VEGFD: variants seen among roughly 807,000 people sequenced by gnomAD.
VEGFD encodes the protein c-fos induced growth factor (vascular endothelial growth factor D).
VEGFD carries 26 observed loss-of-function variants against 28.0 expected under a neutral mutation model. The observed-to-expected ratio is 0.93, with a 90% CI of 0.68 to 1.29. VEGFD has a LOEUF of 1.29. VEGFD is among the 50% of genes most tolerant of loss of function. VEGFD has a pLI of 0.00. For missense variants in VEGFD, 294 were observed against 273.4 expected, an observed-to-expected ratio of 1.08 and a Z score of -0.53; for synonymous variants, 93 against 95.5, an observed-to-expected ratio of 0.97 and a Z score of 0.15.
chrX:15,350,677 G>A, intron 5 of VEGFD, among the ~76,000 whole-genome samples: 1 of 112,248 alleles, frequency 8.9e-6, no homozygotes, highest in South Asian at 3.7e-4. Context: ...GAGCCTTTAA[G>A]CTCTAAGTAT....
At chrX:15,358,712 T>C (rs751777307) in intron 2 of VEGFD, among the ~76,000 whole-genome samples, 5 of 111,265 alleles carry the variant, frequency 4.5e-5, no homozygotes, top group Non-Finnish European at 7.5e-5. Context: ...AAACTAATCC[T>C]TACTCAAATC....
chrX:15,361,870 TG>T (rs1315716154), intron 2 of VEGFD, among the ~76,000 whole-genome samples: 4 of 111,554 alleles, frequency 3.6e-5, no homozygotes, highest in Non-Finnish European at 5.6e-5. Flanking sequence ...TGTTTTGTTT[TG>T]TTTTTTTGTT....
chrX:15,373,270 A>G (rs1923355749), intron 1 of VEGFD, among the ~76,000 whole-genome samples: 1 of 111,788 alleles, frequency 8.9e-6, no homozygotes, highest in Admixed American at 9.5e-5. Context: ...ATCAGCAAAG[A>G]AGGTTTAAGG....
chrX:15,347,261 G>C lies in VEGFD; in HGVS notation c.841C>G (p.Leu281Val), dbSNP rs1323244685. 5.8e-6 allele frequency: 7 copies of C among 1,211,459 alleles called. No homozygotes were observed. Among genetic ancestry groups the C allele is most frequent in the Non-Finnish European group, 7.8e-6 (7 of 895,239 alleles). ...CVCKTPCPKD[L>V]IQHPKNCSCF... ...CTGCAGTTTTTGGGGTGCTGGATTA[G>C]ATCTTTGGGACATGGTGTTTTACAG... Residue 281 changes from leucine to valine, a missense_variant, in exon 6 of 7, where the codon CTA becomes GTA. By Grantham distance (32) the Leu-to-Val change is conservative (BLOSUM62 1). Coordinates refer to ENST00000297904, the MANE Select transcript of VEGFD (RefSeq NM_004469.5).
chrX:15,357,564 C>T (rs1055951790), intron 3 of VEGFD, among the ~76,000 whole-genome samples: 5 of 112,098 alleles, frequency 4.5e-5, no homozygotes, highest in Admixed American at 3.8e-4. Context: ...ATCCCTCTTT[C>T]CCCAATTCTG....
intron 5 of VEGFD, 92 bp downstream of exon 5, chrX:15,352,976 A>G (rs1403580508): frequency 2.6e-5 from 10 of 383,222 alleles, no homozygotes; most frequent in African/African-American, 1.8e-4. Context: ...GATTTACAAC[A>G]TTGTCTGGTC....
At chrX:15,349,805 C>T (rs952608033) in intron 5 of VEGFD, among the ~76,000 whole-genome samples, 5 of 110,990 alleles carry the variant, frequency 4.5e-5, no homozygotes, top group Admixed American at 1.9e-4. Context: ...GTCACATGTG[C>T]GGAAAAAAAG....
Position 15,345,871 on chromosome X carries a change from A to C in VEGFD, c.*262T>G, listed in dbSNP as rs1194206455. ...AGCACACCTTTCTCATTCACCAAAAAACAAAAACAAAACTAAACAAAAGGA... is the reference window on the plus strand; with the variant it reads ...AGCACACCTTTCTCATTCACCAAAACACAAAAACAAAACTAAACAAAAGGA... On this transcript the variant is annotated 3_prime_UTR_variant, in exon 7 of 7. Coordinates refer to ENST00000297904, the MANE Select transcript of VEGFD (RefSeq NM_004469.5). 1 of 305,785 alleles carries C rather than the reference A, an allele frequency of 3.3e-6. No homozygotes were observed. The highest frequency in any genetic ancestry group is 5.7e-6 in the Non-Finnish European group (1 of 176,510). The allele number at this position is 305,785 out of a possible 1,213,427, so 25.2% of individuals were successfully genotyped here.
chrX:15,351,264 C>T (rs1319139770), intron 5 of VEGFD, among the ~76,000 whole-genome samples: 3 of 102,850 alleles, frequency 2.9e-5, no homozygotes, highest in African/African-American at 1.1e-4. Context: ...TACAGGCGCC[C>T]GCCACTACGC....
chrX:15,347,444 C>T (rs935883147), intron 5 of VEGFD, 85 bp from the exon 6 acceptor site: 9 of 766,806 alleles, frequency 1.2e-5, no homozygotes, highest in African/African-American at 6.4e-5. Flanking sequence ...TTATGTCATC[C>T]GTAAGTAACT....
chrX:15,377,269 T>C (rs1186894890), intron 1 of VEGFD, among the ~76,000 whole-genome samples: 2 of 112,107 alleles, frequency 1.8e-5, no homozygotes, highest in African/African-American at 3.2e-5. Context: ...AGGGAGAAGA[T>C]GCCTCCTGAG....
rs1002094831 is a variant in VEGFD at position 15,384,180 on chromosome X, T to G, written c.-234A>C. The G allele has an allele frequency of 1.2e-4, 36 of 305,542 alleles. No individual in the cohort carries two copies. Among genetic ancestry groups the G allele is most frequent in the Non-Finnish European group, 1.9e-4 (34 of 176,049 alleles). The allele number at this position is 305,542 out of a possible 1,213,427, so 25.2% of individuals were successfully genotyped here. Reference sequence around the variant, plus strand: ...AGAGATGAAAAAAATCAAAATGTTCTCCAAAAATAATCAGAAGGTGGACAT... The same window carrying G: ...AGAGATGAAAAAAATCAAAATGTTCGCCAAAAATAATCAGAAGGTGGACAT... On this transcript the variant is annotated 5_prime_UTR_variant, in exon 1 of 7. Coordinates refer to ENST00000297904, the MANE Select transcript of VEGFD (RefSeq NM_004469.5).
At chrX:15,363,965 C>A (rs980447974) in intron 1 of VEGFD, among the ~76,000 whole-genome samples, 1 of 112,119 alleles carries the variant, frequency 8.9e-6, no homozygotes, top group African/African-American at 3.2e-5. Context: ...AAATACATTT[C>A]TGTTATTTTA....
At chrX:15,380,135 G>A (rs1318705028) in intron 1 of VEGFD, among the ~76,000 whole-genome samples, 3 of 112,447 alleles carry the variant, frequency 2.7e-5, no homozygotes, top group African/African-American at 9.7e-5. Context: ...TTGTGCCAAG[G>A]ACTGTGTCTG....
intron 4 of VEGFD, among the ~76,000 whole-genome samples, chrX:15,354,601 C>A (rs1922818967): frequency 9.0e-6 from 1 of 111,057 alleles, no homozygotes; most frequent in South Asian, 3.8e-4. Flanking sequence ...TATAAATAAT[C>A]ACAAAATTAA....
intron 1 of VEGFD, among the ~76,000 whole-genome samples, chrX:15,368,032 AAAG>A (rs1276215931): frequency 1.2e-3 from 84 of 69,541 alleles, no homozygotes; most frequent in African/African-American, 4.9e-3. Flanking sequence ...GAAAGAAAGG[AAAG>A]AAGAAAGAAA....
rs1028247320 is a variant in VEGFD, at chrX:15,346,089, C to T, written c.*44G>A. On this transcript the variant is annotated 3_prime_UTR_variant, in exon 7 of 7. Transcript: ENST00000297904. ...CAGTGACAGCAACTTGGCAAAGCAG[C>T]ATGCTGTTAAAAATGACAGGGATGG... The T allele has an allele frequency of 6.3e-5, 75 of 1,187,173 alleles. No homozygotes were observed. Among genetic ancestry groups the T allele is most frequent in the Non-Finnish European group, 8.1e-5 (72 of 884,199 alleles).
intron 1 of VEGFD, among the ~76,000 whole-genome samples, chrX:15,382,654 T>A (rs754750671): frequency 9.0e-6 from 1 of 111,437 alleles, no homozygotes; most frequent in African/African-American, 3.3e-5. Context: ...TTACCTACAA[T>A]CTGGCCTTGA....
chrX:15,346,757 C>T (rs1317129567), intron 6 of VEGFD, among the ~76,000 whole-genome samples: 1 of 111,096 alleles, frequency 9.0e-6, no homozygotes, highest in African/African-American at 3.3e-5. Context: ...CATGGTGAAA[C>T]CCCGTCTCTA....
Sources: gnomAD v4.1 joint callset for allele counts (sites outside exome capture counted in the v4.1 genomes callset) on GRCh38, gnomAD v4.1.1 for gene constraint, MANE v1.5 for transcripts, NCBI Gene and HGNC (gene_info 2026-07-23, HGNC 2026-07-21) for gene names.